The following PTPRA variants were observed in gnomAD, a reference collection of about 807,000 sequenced individuals.
PTPRA encodes the protein receptor-type tyrosine-protein phosphatase alpha.
PTPRA carries 25 observed loss-of-function variants against 104.8 expected under a neutral mutation model. The observed-to-expected ratio is 0.24, with a 90% CI of 0.17 to 0.33. The LOEUF is 0.33. Ranked by LOEUF, PTPRA falls within the 10% of genes least tolerant of loss-of-function variation. The pLI is 1.00. For synonymous variants in PTPRA, 323 were observed against 368.9 expected (o/e 0.88, Z 1.43); for missense variants, 765 against 1,015.3 (o/e 0.75, Z 3.35).
chr20:3,012,537 C>T (rs1159996706), intron 11 of PTPRA, among the ~76,000 whole-genome samples: 1 of 152,206 alleles, frequency 6.6e-6, no homozygotes, highest in Non-Finnish European at 1.5e-5. Flanking sequence ...CCCTGCCAGG[C>T]ACATTGAACA....
intron 11 of PTPRA, 66 bp from the exon 12 acceptor site, chr20:3,015,783 T>C: frequency 1.5e-6 from 2 of 1,372,012 alleles, no homozygotes; most frequent in Non-Finnish European, 2.1e-6. Flanking sequence ...GGAGTCAGAC[T>C]GGAGAATTTC....
intron 1 of PTPRA, among the ~76,000 whole-genome samples, chr20:2,913,525 C>G (rs12151900): frequency 0.14 from 20,887 of 152,174 alleles, 1,821 homozygotes; most frequent in South Asian, 0.31. Context: ...TCATGTCTGT[C>G]TTTGACTTGA....
intron 3 of PTPRA, among the ~76,000 whole-genome samples, chr20:2,954,192 C>T (rs1043427211): frequency 5.3e-5 from 8 of 151,436 alleles, no homozygotes; most frequent in African/African-American, 1.9e-4. Flanking sequence ...ATTTTCCTGC[C>T]TCAGCCTCCT....
At position 3,024,541 on chromosome 20, in the gene PTPRA, ACCTCTCTAGAAACC is replaced by A; in HGVS notation, c.1536_1549del (p.Ser513ProfsTer21). ...CTATGGAGATACAGAACTGGAAGTGACCTCTCTAGAAACCCACCTGCAGAAAATTTACAACAAAA... is the reference window on the plus strand; with the variant it reads ...CTATGGAGATACAGAACTGGAAGTGACACCTGCAGAAAATTTACAACAAAA... On this transcript the variant is annotated frameshift_variant, in exon 17 of 24. Coordinates refer to ENST00000399903, the MANE Select transcript of PTPRA (RefSeq NM_001385305.1). LOFTEE classifies it high-confidence loss of function. The A allele has an allele frequency of 6.2e-7, 1 of 1,613,842 alleles. No homozygotes were observed. The highest frequency in any genetic ancestry group is 8.5e-7 in the Non-Finnish European group (1 of 1,179,764).
Position 3,008,428 on chromosome 20 carries a change from G to A in PTPRA, c.906+1008G>A, listed in dbSNP as rs77961782. On this transcript the variant is annotated intron_variant, in intron 11 of 23. Coordinates refer to ENST00000399903, the MANE Select transcript of PTPRA (RefSeq NM_001385305.1). ...TATAAACTATATATACATATGTAGAGTAGTCAAATTCACAGGGACAGAAAG... is the reference window on the plus strand; with the variant it reads ...TATAAACTATATATACATATGTAGAATAGTCAAATTCACAGGGACAGAAAG... Among the ~76,000 whole-genome samples, 234 of 152,274 alleles carry A rather than the reference G, an allele frequency of 1.5e-3. 7 individuals are homozygous for A. The East Asian group carries it at 0.041, about 27-fold the overall frequency.
intron 2 of PTPRA, among the ~76,000 whole-genome samples, chr20:2,938,869 A>G (rs553453043): frequency 5.9e-5 from 9 of 152,246 alleles, no homozygotes; most frequent in African/African-American, 1.4e-4. Context: ...TCCAAAATCT[A>G]TATTATCTTG....
intron 1 of PTPRA, among the ~76,000 whole-genome samples, chr20:2,917,176 C>T (rs892402632): frequency 3.3e-5 from 5 of 151,854 alleles, no homozygotes; most frequent in South Asian, 4.2e-4. Flanking sequence ...AGGCTGGTCT[C>T]GAACTCCTGA....
intron 1 of PTPRA, among the ~76,000 whole-genome samples, chr20:2,908,266 CACAG>C (rs1445524874): frequency 6.6e-6 from 1 of 152,154 alleles, no homozygotes; most frequent in Non-Finnish European, 1.5e-5. Flanking sequence ...ATTCTTTTAG[CACAG>C]ACAGACAGTT....
the PTPRA span, chr20:2,865,012 C>T: frequency 6.2e-7 from 1 of 1,614,144 alleles, no homozygotes; most frequent in Admixed American, 1.7e-5. This position sits in a 1 kb window ranked among gnomAD's most constrained non-coding sequence, Gnocchi z 5.2. Context: ...CTGCAGACAG[C>T]CGCCGATGCC....
At chr20:2,955,476 G>GC (rs2061503514) in intron 3 of PTPRA, 1 of 199,784 alleles carries the variant, frequency 5.0e-6, no homozygotes, top group Non-Finnish European at 9.0e-6. Context: ...TGTTGTCTAT[G>GC]CAAGTGAGCT....
At chr20:2,928,538 C>T (rs2060391075) in intron 2 of PTPRA, among the ~76,000 whole-genome samples, 1 of 152,132 alleles carries the variant, frequency 6.6e-6, no homozygotes, top group Non-Finnish European at 1.5e-5. Context: ...CCTTGTTGTT[C>T]ATGAGAAATA....
chr20:3,035,986 G>A lies in PTPRA; in HGVS notation c.2198+45G>A. 6.2e-7 allele frequency: 1 copy of A among 1,610,526 alleles called. No homozygotes were observed. The highest frequency in any genetic ancestry group is 2.2e-5 in the East Asian group (1 of 44,830). On this transcript the variant is annotated intron_variant, in intron 22 of 23. Coordinates refer to ENST00000399903, the MANE Select transcript of PTPRA (RefSeq NM_001385305.1). This position sits in a 1 kb window ranked among gnomAD's most constrained non-coding sequence, Gnocchi z 5.8. ...TCAGCGGGAGAGAGAAAGCGAGGAG[G>A]GGCAGATAGGGGAAGCTGATGACCA...
intron 11 of PTPRA, among the ~76,000 whole-genome samples, chr20:3,011,076 A>G (rs774318009): frequency 1.3e-5 from 2 of 152,252 alleles, no homozygotes. Flanking sequence ...CTTCATGGTA[A>G]TGGCACAGTA....
intron 1 of PTPRA, among the ~76,000 whole-genome samples, chr20:2,909,782 TATA>T (rs1007484583): frequency 1.7e-4 from 23 of 132,460 alleles, no homozygotes; most frequent in African/African-American, 4.3e-4. Context: ...TATAAGATAA[TATA>T]ATATATATTA....
Position 2,916,357 on chromosome 20 carries a change from A to G in PTPRA, c.-128-6850A>G, listed in dbSNP as rs118145131. Among the ~76,000 whole-genome samples, 509 of 152,260 alleles carry G rather than the reference A, an allele frequency of 3.3e-3. 1 individual carries two copies. The highest frequency in any genetic ancestry group is 5.6e-3 in the Non-Finnish European group (384 of 68,016). On this transcript the variant is annotated intron_variant, in intron 1 of 23. Coordinates refer to ENST00000399903, the MANE Select transcript of PTPRA (RefSeq NM_001385305.1). Reference sequence around the variant, plus strand: ...CACTTTCAGTCCCAAGTTAATTTTTATATATGGTATGAGGTAAGGATTCAT... The same window carrying G: ...CACTTTCAGTCCCAAGTTAATTTTTGTATATGGTATGAGGTAAGGATTCAT...
chr20:2,890,331 C>T (rs1406523069), intron 1 of PTPRA, among the ~76,000 whole-genome samples: 1 of 152,024 alleles, frequency 6.6e-6, no homozygotes, highest in Non-Finnish European at 1.5e-5. Context: ...GGTTCATATT[C>T]CATGCCTGCC....
At chr20:2,979,698 G>GTGTTTGTT (rs57293794) in intron 6 of PTPRA, among the ~76,000 whole-genome samples, 32 of 151,484 alleles carry the variant, frequency 2.1e-4, no homozygotes, top group African/African-American at 6.1e-4. Flanking sequence ...AGCTAATCAG[G>GTGTTTGTT]TGTTTGTTTG....
intron 2 of PTPRA, among the ~76,000 whole-genome samples, chr20:2,928,868 G>T: frequency 7.1e-6 from 1 of 139,882 alleles, no homozygotes. Context: ...CTCACCCTGT[G>T]GCCCAGACTG....
intron 1 of PTPRA, among the ~76,000 whole-genome samples, chr20:2,901,680 TA>T (rs1328399851): frequency 6.6e-6 from 1 of 152,160 alleles, no homozygotes; most frequent in Non-Finnish European, 1.5e-5. Context: ...CTCTGCTCCC[TA>T]ATTTGGAAAA....
Sources: gnomAD v4.1 joint callset for allele counts (sites outside exome capture counted in the v4.1 genomes callset) on GRCh38, gnomAD v4.1.1 for gene constraint, Gnocchi (gnomAD v3.1) non-coding constraint, MANE v1.5 for transcripts, NCBI Gene and HGNC (gene_info 2026-07-23, HGNC 2026-07-21) for gene names.